The following TASOR variants were observed in gnomAD, a reference collection of about 807,000 sequenced individuals.
TASOR encodes the protein protein TASOR.
TASOR carries 53 observed loss-of-function variants against 178.6 expected under a neutral mutation model. The ratio of observed to expected loss-of-function variants is 0.30; its 90% CI spans 0.24 to 0.37. The LOEUF (loss-of-function observed/expected upper bound fraction) is 0.37. Among genes scored for constraint, TASOR ranks in the 10% least tolerant of loss-of-function variants. TASOR has a pLI of 1.00. For missense variants in TASOR, 1,815 were observed against 1,971.4 expected, an observed-to-expected ratio of 0.92 and a Z score of 1.50; for synonymous variants, 713 against 696.2, an observed-to-expected ratio of 1.02 and a Z score of -0.38.
intron 18 of TASOR, among the ~76,000 whole-genome samples, chr3:56,629,751 G>C (rs887605911): frequency 2.0e-5 from 3 of 152,112 alleles, no homozygotes; most frequent in Admixed American, 2.0e-4. Context: ...TTTAATGTCA[G>C]CACAGCTGGT....
chr3:56,662,577 T>A, intron 8 of TASOR, 87 bp from the exon 9 acceptor site: 1 of 570,302 alleles, frequency 1.8e-6, no homozygotes, highest in Non-Finnish European at 3.0e-6. Flanking sequence ...AGACGGAAAA[T>A]ATCTAGAAAC....
chr3:56,639,159 T>C (rs1421565324), intron 16 of TASOR, among the ~76,000 whole-genome samples: 1 of 152,222 alleles, frequency 6.6e-6, no homozygotes. Flanking sequence ...GTTTTATAAA[T>C]TCTTCTCAGA....
At chr3:56,675,665 T>C (rs899285202) in intron 1 of TASOR, among the ~76,000 whole-genome samples, 2 of 152,192 alleles carry the variant, frequency 1.3e-5, no homozygotes, top group East Asian at 1.9e-4. Flanking sequence ...GAACTACTCA[T>C]AGAAACTATG....
At chr3:56,629,834 A>T (rs925579545) in intron 18 of TASOR, among the ~76,000 whole-genome samples, 10 of 152,322 alleles carry the variant, frequency 6.6e-5, no homozygotes, top group Admixed American at 1.3e-4. Context: ...GTGTTACCCC[A>T]AAGAGGATGC....
At chr3:56,658,644 C>T (rs534004807) in intron 11 of TASOR, among the ~76,000 whole-genome samples, 1 of 152,280 alleles carries the variant, frequency 6.6e-6, no homozygotes, top group South Asian at 2.1e-4. Flanking sequence ...GGGCCAGGCG[C>T]GGTGGCTCAC....
intron 14 of TASOR, among the ~76,000 whole-genome samples, chr3:56,644,413 TAGAC>T (rs891347181): frequency 9.5e-4 from 144 of 151,936 alleles, no homozygotes; most frequent in African/African-American, 3.3e-3. Flanking sequence ...TTAAGGAGAA[TAGAC>T]AGAAAGCTGA....
At chr3:56,624,140 C>T (rs1356724304) in intron 23 of TASOR, among the ~76,000 whole-genome samples, 1 of 152,082 alleles carries the variant, frequency 6.6e-6, no homozygotes, top group African/African-American at 2.4e-5. Context: ...TGGTTTCCTA[C>T]CTTTTTATTA....
At chr3:56,640,364 A>ATTT (rs2077096624) in intron 15 of TASOR, among the ~76,000 whole-genome samples, 2 of 152,224 alleles carry the variant, frequency 1.3e-5, no homozygotes, top group African/African-American at 4.8e-5. Flanking sequence ...AGTGCCAAAC[A>ATTT]TTAAATATTT....
intron 11 of TASOR, among the ~76,000 whole-genome samples, chr3:56,653,691 A>G (rs2077407555): frequency 1.9e-5 from 2 of 106,234 alleles, no homozygotes; most frequent in Non-Finnish European, 3.6e-5. Flanking sequence ...AGTAGATCTT[A>G]GTCTCAACAA....
chr3:56,668,367 CACA>C, intron 6 of TASOR, 27 bp downstream of exon 6: 3 of 1,545,558 alleles, frequency 1.9e-6, no homozygotes, highest in Non-Finnish European at 8.7e-7. Flanking sequence ...GGTATGAGAT[CACA>C]ACATTACAAC....
chr3:56,663,618 A>T, intron 7 of TASOR, 46 bp from the exon 8 acceptor site: 1 of 1,289,156 alleles, frequency 7.8e-7, no homozygotes, highest in Non-Finnish European at 1.0e-6. Flanking sequence ...CATTAGTATA[A>T]TCATAAAAAT....
intron 7 of TASOR, among the ~76,000 whole-genome samples, chr3:56,665,513 C>A (rs2077690448): frequency 6.6e-6 from 1 of 152,028 alleles, no homozygotes; most frequent in Non-Finnish European, 1.5e-5. Flanking sequence ...CGTACCACCA[C>A]ATCCAGCTAA....
chr3:56,680,279 T>C (rs779551544), intron 1 of TASOR, among the ~76,000 whole-genome samples: 10 of 152,182 alleles, frequency 6.6e-5, no homozygotes, highest in Non-Finnish European at 1.2e-4. Flanking sequence ...CAAAACATTG[T>C]TGAGATTTAG....
chr3:56,665,100 A>C (rs1208490574), intron 7 of TASOR, among the ~76,000 whole-genome samples: 1 of 152,166 alleles, frequency 6.6e-6, no homozygotes, highest in African/African-American at 2.4e-5. Flanking sequence ...TTGAGGCTGC[A>C]GCAAGCTATG....
At chr3:56,673,096 C>A (rs1402085269) in intron 2 of TASOR, among the ~76,000 whole-genome samples, 1 of 152,148 alleles carries the variant, frequency 6.6e-6, no homozygotes, top group African/African-American at 2.4e-5. Context: ...CAGGCATGAG[C>A]CACCATGCTC....
intron 11 of TASOR, among the ~76,000 whole-genome samples, chr3:56,651,897 G>A (rs1447440033): frequency 6.6e-6 from 1 of 152,122 alleles, no homozygotes; most frequent in Non-Finnish European, 1.5e-5. Flanking sequence ...TTACGCTAAT[G>A]TTCATAGCAC....
At chr3:56,665,460 G>A (rs886882002) in intron 7 of TASOR, among the ~76,000 whole-genome samples, 1 of 152,020 alleles carries the variant, frequency 6.6e-6, no homozygotes, top group Non-Finnish European at 1.5e-5. Context: ...AGGTTCAAGC[G>A]ATTCTCTTGC....
chr3:56,635,144 C>T (rs936700464), intron 17 of TASOR, among the ~76,000 whole-genome samples: 5 of 152,302 alleles, frequency 3.3e-5, no homozygotes, highest in African/African-American at 1.2e-4. Flanking sequence ...TTTAAATAGC[C>T]TCACTAGGAG....
intron 17 of TASOR, among the ~76,000 whole-genome samples, chr3:56,634,177 C>G (rs1049599288): frequency 2.0e-5 from 3 of 152,186 alleles, no homozygotes; most frequent in African/African-American, 4.8e-5. Context: ...CTAGTGTTAA[C>G]AACTCTGCTA....
Sources: allele counts gnomAD v4.1 joint callset (sites outside exome capture counted in the v4.1 genomes callset), GRCh38; gene constraint gnomAD v4.1.1; transcripts MANE v1.5; gene names NCBI Gene and HGNC (gene_info 2026-07-23, HGNC 2026-07-21).